ERG: variants seen among roughly 807,000 people sequenced by gnomAD.
The protein encoded by ERG is transcriptional regulator ERG.
ERG carries 9 observed loss-of-function variants against 55.3 expected under a neutral mutation model. The ratio of observed to expected loss-of-function variants is 0.16; its 90% CI spans 0.10 to 0.28. ERG has a LOEUF of 0.28. Among genes scored for constraint, ERG ranks in the 10% least tolerant of loss-of-function variants. The pLI is 1.00. For synonymous variants in ERG, 223 were observed against 237.3 expected (o/e 0.94, Z 0.55); for missense variants, 434 against 631.6 (o/e 0.69, Z 3.35).
At chr21:38,611,232 T>A (rs1217905021) in intron 1 of ERG, among the ~76,000 whole-genome samples, 1 of 152,164 alleles carries the variant, frequency 6.6e-6, no homozygotes, top group Non-Finnish European at 1.5e-5. Flanking sequence ...ATTATTATGT[T>A]AGCTTCCCAT....
chr21:38,549,510 C>T (rs2059810228), intron 2 of ERG, among the ~76,000 whole-genome samples: 1 of 152,206 alleles, frequency 6.6e-6, no homozygotes. Context: ...AAGTAAAACA[C>T]ACATATACAG....
At chr21:38,432,525 T>C (rs1467059807) in intron 2 of ERG, among the ~76,000 whole-genome samples, 1 of 152,242 alleles carries the variant, frequency 6.6e-6, no homozygotes, top group East Asian at 1.9e-4. Flanking sequence ...TTCCAACCAG[T>C]ATTTCACTGT....
At chr21:38,596,165 G>A (rs1038890451) in intron 1 of ERG, among the ~76,000 whole-genome samples, 1 of 151,946 alleles carries the variant, frequency 6.6e-6, no homozygotes, top group Non-Finnish European at 1.5e-5. Context: ...CTTCTTCTGT[G>A]TCGTGGTAAC....
At chr21:38,549,871 G>A (rs16996463) in intron 2 of ERG, among the ~76,000 whole-genome samples, 76,685 of 152,004 alleles carry the variant, frequency 0.5, 20,663 homozygotes, top group Non-Finnish European at 0.62. Context: ...TAGCTTCTGG[G>A]GACATGGAGA....
chr21:38,467,135 G>T (rs1368367652), intron 1 of ERG, among the ~76,000 whole-genome samples: 2 of 152,110 alleles, frequency 1.3e-5, no homozygotes, highest in African/African-American at 4.8e-5. Flanking sequence ...TCTATATGAG[G>T]TCCTACCTTG....
rs770497839 is a variant in ERG, at chr21:38,561,455, C to CT, written c.-41+14206dup. On this transcript the variant is annotated intron_variant, in intron 2 of 8. Transcript: ENST00000398897. The stretch of plus-strand genomic sequence containing the variant: ...TGAAATGGGTAAATTCTACACAATC[C>CT]TTTTTTTTTTTTTTTCAAACAATAA... 7.8e-3 allele frequency among the ~76,000 whole-genome samples: 1,053 copies of CT among 135,614 alleles called. 6 individuals carry two copies. Among genetic ancestry groups the CT allele is most frequent in the Middle Eastern group, 0.019 (5 of 268 alleles). 89.0% of individuals were successfully genotyped at this position (135,614 alleles called of 152,430 possible).
At chr21:38,496,258 T>C (rs1301639330) in intron 1 of ERG, among the ~76,000 whole-genome samples, 7 of 152,232 alleles carry the variant, frequency 4.6e-5, no homozygotes, top group Admixed American at 2.0e-4. Context: ...GAGCATCTGA[T>C]ACCTAATCGA....
At chr21:38,376,214 C>T (rs1456237990), downstream of ERG, among the ~76,000 whole-genome samples, 14 of 152,204 alleles carry the variant, frequency 9.2e-5, no homozygotes, top group Non-Finnish European at 1.6e-4. Context: ...TGCACAGAGG[C>T]ACAGACAGGC....
intron 2 of ERG, among the ~76,000 whole-genome samples, chr21:38,572,084 C>A (rs1389817560): frequency 6.6e-6 from 1 of 151,594 alleles, no homozygotes; most frequent in African/African-American, 2.4e-5. Flanking sequence ...CGGCCAGGTG[C>A]GGTGGCTCAC....
In ERG at chr21:38,460,520, T is replaced by G. The variant is rs1220200978; in HGVS notation, c.19-14899A>C. ...CCAAAAGCCACACCTAATAAAATGT[T>G]ACAGCCATCCTTTGTCCCACATGCA... is the stretch of plus-strand genomic sequence containing the variant. On this transcript the variant is annotated intron_variant, in intron 1 of 9. Transcript: ENST00000288319. The surrounding 1 kb of genome is among the most constrained non-coding windows in gnomAD (Gnocchi z 5.0). Among the ~76,000 whole-genome samples the G allele has an allele frequency of 6.6e-6, 1 of 152,244 alleles. No homozygotes were observed. Among genetic ancestry groups the G allele is most frequent in the Non-Finnish European group, 1.5e-5 (1 of 68,038 alleles).
intron 2 of ERG, among the ~76,000 whole-genome samples, chr21:38,535,587 A>G (rs1358323345): frequency 2.6e-5 from 4 of 152,138 alleles, no homozygotes; most frequent in Non-Finnish European, 4.4e-5. Flanking sequence ...ATAACCCACA[A>G]TGTGTTAGGT....
intron 3 of ERG, among the ~76,000 whole-genome samples, chr21:38,407,217 T>A: frequency 6.6e-6 from 1 of 152,208 alleles, no homozygotes; most frequent in Non-Finnish European, 1.5e-5. Context: ...GTGTTGTTTA[T>A]AATAGCAAAA....
intron 1 of ERG, among the ~76,000 whole-genome samples, chr21:38,461,891 G>A (rs565734991): frequency 3.3e-5 from 5 of 151,598 alleles, no homozygotes; most frequent in South Asian, 2.1e-4. Flanking sequence ...TGCAACCTCC[G>A]CCTCCTGGGT....
chr21:38,654,317 C>T (rs1033320631), intron 1 of ERG, among the ~76,000 whole-genome samples: 2 of 152,266 alleles, frequency 1.3e-5, no homozygotes, highest in South Asian at 2.1e-4. Context: ...GTCTCTACTA[C>T]AAAAATTACC....
chr21:38,503,512 C>T (rs930741466), intron 2 of ERG, among the ~76,000 whole-genome samples: 2 of 151,242 alleles, frequency 1.3e-5, no homozygotes, highest in African/African-American at 4.8e-5. Context: ...GCCAGGATTA[C>T]AGGGCTCTAT....
intron 6 of ERG, among the ~76,000 whole-genome samples, chr21:38,397,974 A>G (rs1010775821): frequency 6.6e-6 from 1 of 152,148 alleles, no homozygotes; most frequent in Middle Eastern, 3.2e-3. Flanking sequence ...CGGATGTGGG[A>G]TTAGACAAAG....
At chr21:38,596,549 A>G (rs891490519) in intron 1 of ERG, among the ~76,000 whole-genome samples, 7 of 152,198 alleles carry the variant, frequency 4.6e-5, no homozygotes, top group African/African-American at 1.7e-4. Flanking sequence ...AACCTTTGTG[A>G]GCCAAACCGT....
chr21:38,596,168 G>A (rs904449799), intron 1 of ERG, among the ~76,000 whole-genome samples: 5 of 152,028 alleles, frequency 3.3e-5, no homozygotes, highest in Non-Finnish European at 5.9e-5. Context: ...CTTCTGTGTC[G>A]TGGTAACAGC....
At chr21:38,621,430 T>C (rs1344780202) in intron 1 of ERG, among the ~76,000 whole-genome samples, 1 of 152,140 alleles carries the variant, frequency 6.6e-6, no homozygotes, top group Non-Finnish European at 1.5e-5. Context: ...ATCATGCATT[T>C]CTGCTTGCCC....
Sources: gnomAD v4.1 joint callset for allele counts (sites outside exome capture counted in the v4.1 genomes callset) on GRCh38, gnomAD v4.1.1 for gene constraint, Gnocchi (gnomAD v3.1) non-coding constraint, MANE v1.5 for transcripts, NCBI Gene and HGNC (gene_info 2026-07-23, HGNC 2026-07-21) for gene names.